The following TMEM272 variants were observed in gnomAD, a reference collection of about 807,000 sequenced individuals.
The protein encoded by TMEM272 is transmembrane protein 272.
A neutral mutation model predicts 3.7 loss-of-function variants in TMEM272; 8 were observed. That is an observed-to-expected ratio of 2.17 (90% CI 1.27 to 3.91). TMEM272 has a LOEUF of 3.91. Ranked by LOEUF, TMEM272 falls within the 30% of genes most tolerant of loss-of-function variation. TMEM272 has a pLI of 0.00. For synonymous variants in TMEM272, 63 were observed against 39.8 expected (o/e 1.58, Z -2.20); for missense variants, 166 against 91.5 (o/e 1.81, Z -3.32).
chr13:51,910,206 G>A, the TMEM272 span: 3 of 1,194,280 alleles, frequency 2.5e-6, no homozygotes, highest in Admixed American at 5.1e-5. Flanking sequence ...CTCCAGTTCA[G>A]AATTGGACCT....
At chr13:51,845,379 A>C (rs1956297112), upstream of TMEM272, among the ~76,000 whole-genome samples, 1 of 152,130 alleles carries the variant, frequency 6.6e-6, no homozygotes, top group South Asian at 2.1e-4. Flanking sequence ...TCCCTTAGGC[A>C]CTAAACCTAG....
At chr13:51,885,615 T>TA in the TMEM272 span, among the ~76,000 whole-genome samples, 2 of 152,148 alleles carry the variant, frequency 1.3e-5, no homozygotes, top group Non-Finnish European at 1.5e-5. Context: ...TAACAGCAAA[T>TA]AAATGGGCAT....
At chr13:51,903,449 A>T in the TMEM272 span, among the ~76,000 whole-genome samples, 1 of 152,122 alleles carries the variant, frequency 6.6e-6, no homozygotes, top group African/African-American at 2.4e-5. Context: ...TCAGGGAGGG[A>T]AGAGAGACTC....
rs534786843 is a variant in TMEM272, at chr13:51,816,696, C to G, written c.*55G>C. The G allele has an allele frequency of 1.5e-6, 1 of 647,082 alleles. No individual in the cohort carries two copies. The highest frequency in any genetic ancestry group is 1.8e-5 in the African/African-American group (1 of 56,080). The allele number at this position is 647,082 out of a possible 1,614,324, so 40.1% of individuals were successfully genotyped here. ...GTGTGTGCGTCTGTGTGTCTGTGTGCACGCGCGTGCATGCACACGCATATG... is the reference window on the plus strand; with the variant it reads ...GTGTGTGCGTCTGTGTGTCTGTGTGGACGCGCGTGCATGCACACGCATATG... On this transcript the variant is annotated 3_prime_UTR_variant, in exon 5 of 5. Transcript: ENST00000629372.
chr13:51,908,952 C>G, the TMEM272 span: 1 of 1,383,586 alleles, frequency 7.2e-7, no homozygotes, highest in East Asian at 2.3e-5. Context: ...CCCTGGGCCT[C>G]TTGGGTCTCT....
At chr13:51,832,241 ACGCT>A (rs1956179238) in intron 2 of TMEM272, among the ~76,000 whole-genome samples, 1 of 152,158 alleles carries the variant, frequency 6.6e-6, no homozygotes, top group African/African-American at 2.4e-5. Flanking sequence ...TGTTAAAGAT[ACGCT>A]GCCATCCGGT....
chr13:51,819,259 A>G (rs1043201580), intron 4 of TMEM272, among the ~76,000 whole-genome samples: 1 of 152,110 alleles, frequency 6.6e-6, no homozygotes, highest in Admixed American at 6.5e-5. Context: ...GGAAAAACCA[A>G]TTGCCTGTAG....
the TMEM272 span, among the ~76,000 whole-genome samples, chr13:51,894,168 G>A: frequency 1.3e-5 from 2 of 152,238 alleles, no homozygotes; most frequent in African/African-American, 4.8e-5. Flanking sequence ...AATCATCAAG[G>A]AGGGAGTGGG....
In TMEM272 at chr13:51,820,072, A is replaced by G. The variant is rs1180743600; in HGVS notation, c.201+1983T>C. Among the ~76,000 whole-genome samples, 3 of 152,310 alleles carry G rather than the reference A, an allele frequency of 2.0e-5. No individual in the cohort carries two copies. In the East Asian group the frequency reaches 5.8e-4, roughly 29 times the overall value. ...AACTCACCCAAACACACACATGTCCATATGTAAGTATCACACAATACTTAA... is the reference window on the plus strand; with the variant it reads ...AACTCACCCAAACACACACATGTCCGTATGTAAGTATCACACAATACTTAA... On this transcript the variant is annotated intron_variant, in intron 4 of 4. Transcript: ENST00000629372.
At chr13:51,888,515 G>A in the TMEM272 span, among the ~76,000 whole-genome samples, 4 of 151,852 alleles carry the variant, frequency 2.6e-5, no homozygotes, top group Non-Finnish European at 4.4e-5. Context: ...ATCATTTACA[G>A]TCACTTTATA....
At chr13:51,855,842 A>G in the TMEM272 span, among the ~76,000 whole-genome samples, 1 of 152,190 alleles carries the variant, frequency 6.6e-6, no homozygotes, top group African/African-American at 2.4e-5. Context: ...AGAGAAGAAA[A>G]TAAGACGACA....
At chr13:51,829,152 A>G (rs1321692458) in intron 2 of TMEM272, among the ~76,000 whole-genome samples, 1 of 152,240 alleles carries the variant, frequency 6.6e-6, no homozygotes, top group Non-Finnish European at 1.5e-5. Context: ...TATTAAACAC[A>G]AGTTGTGTCA....
chr13:51,934,089 G>A, the TMEM272 span: 4 of 154,078 alleles, frequency 2.6e-5, no homozygotes, highest in Admixed American at 6.3e-5. Context: ...CAGGAAGCAG[G>A]TTCAAGCTGA....
At chr13:51,907,677 C>T in the TMEM272 span, among the ~76,000 whole-genome samples, 1 of 152,256 alleles carries the variant, frequency 6.6e-6, no homozygotes, top group African/African-American at 2.4e-5. Flanking sequence ...GCTGACCATA[C>T]TGCCTCCCTA....
At chr13:51,921,387 A>G in the TMEM272 span, 1 of 152,208 alleles carries the variant, frequency 6.6e-6, no homozygotes, top group Non-Finnish European at 1.5e-5. Flanking sequence ...CCAAAGTCTC[A>G]CAGAAATCCA....
At chr13:51,865,894 G>T in the TMEM272 span, 1 of 1,613,746 alleles carries the variant, frequency 6.2e-7, no homozygotes, top group Non-Finnish European at 8.5e-7. Context: ...CCCTCCTTGA[G>T]GGGGAGAAAG....
At chr13:51,844,444 G>C (rs1455916933) in intron 1 of TMEM272, among the ~76,000 whole-genome samples, 1 of 152,164 alleles carries the variant, frequency 6.6e-6, no homozygotes, top group Non-Finnish European at 1.5e-5. Context: ...CGGGTGCTCA[G>C]GACACAGTCC....
chr13:51,865,805 T>C, the TMEM272 span: 10 of 1,614,090 alleles, frequency 6.2e-6, no homozygotes, highest in East Asian at 4.5e-5. Context: ...CAATGCCTTA[T>C]GGGAAAGAGA....
intron 4 of TMEM272, among the ~76,000 whole-genome samples, chr13:51,821,200 C>T (rs542779283): frequency 5.6e-4 from 85 of 152,236 alleles, no homozygotes; most frequent in Middle Eastern, 3.4e-3. Flanking sequence ...TCTTGTGTTA[C>T]GGCTTTGTTT....
Sources: allele counts gnomAD v4.1 joint callset (sites outside exome capture counted in the v4.1 genomes callset), GRCh38; gene constraint gnomAD v4.1.1; transcripts MANE v1.5; gene names NCBI Gene and HGNC (gene_info 2026-07-23, HGNC 2026-07-21).